Variants in CACNA1C observed in about 807,000 individuals in gnomAD.
CACNA1C encodes the protein voltage-dependent L-type calcium channel subunit alpha-1C.
Under a neutral mutation model 229.0 loss-of-function variants are expected in CACNA1C, and 30 were observed. The ratio of observed to expected loss-of-function variants is 0.13; its 90% confidence interval spans 0.10 to 0.18. The LOEUF is 0.18. CACNA1C is among the 10% of genes least tolerant of loss of function. The probability of loss-of-function intolerance (pLI) is 1.00; values close to 1 mark genes in which losing one functional copy is unlikely to be tolerated. For synonymous variants in CACNA1C, 1,114 were observed against 1,132.5 expected, an observed-to-expected ratio of 0.98 and a Z score of 0.33; for missense variants, 1,658 against 2,845.0, an observed-to-expected ratio of 0.58 and a Z score of 9.49.
intron 18 of CACNA1C, among the ~76,000 whole-genome samples, chr12:2,589,202 C>A (rs760202361): frequency 6.6e-6 from 1 of 152,180 alleles, no homozygotes; most frequent in African/African-American, 2.4e-5. Flanking sequence ...ACAGGGAAGA[C>A]CCCCACCCTC....
intron 1 of CACNA1C, among the ~76,000 whole-genome samples, chr12:1,986,575 C>T (rs370831474): frequency 2.0e-5 from 3 of 152,078 alleles, no homozygotes; most frequent in African/African-American, 7.2e-5. Context: ...TTCCCTGCAA[C>T]TGGCTTCACG....
chr12:2,641,408 G>A lies in CACNA1C; in HGVS notation c.3912+7028G>A, dbSNP rs74057307. ...CAACCATTGTCTAGATGACATTGGT[G>A]GGTGTGGCCTGAGCTGGTTCTAGGA... On this transcript the variant is annotated intron_variant, in intron 30 of 46. Transcript: ENST00000399655. 918 of 306,750 alleles carry A rather than the reference G, an allele frequency of 3.0e-3. 10 individuals are homozygous for A. The highest frequency in any genetic ancestry group is 0.017 in the African/African-American group (801 of 46,350). 19.0% of individuals were successfully genotyped at this position (306,750 alleles called of 1,614,324 possible).
At chr12:2,584,713 TGTTGG>T in intron 16 of CACNA1C, 96 bp downstream of exon 16, 2 of 823,820 alleles carry the variant, frequency 2.4e-6, no homozygotes, top group Non-Finnish European at 4.0e-6. Flanking sequence ...TGCTAGCCTC[TGTTGG>T]CTCTCCCTCC....
chr12:1,977,260 T>C (rs1309677733), intron 1 of CACNA1C, among the ~76,000 whole-genome samples: 2 of 152,292 alleles, frequency 1.3e-5, no homozygotes, highest in East Asian at 3.9e-4. Flanking sequence ...TCTGTTAGCA[T>C]GCTCGGCCAT....
rs144919597 is a variant in CACNA1C at position 2,666,924 on chromosome 12, C to A, written c.4623+142C>A. 4.4e-5 allele frequency: 29 copies of A among 658,100 alleles called. No homozygotes were observed. In the East Asian group the frequency reaches 6.8e-4, roughly 16 times the overall value. The allele number at this position is 658,100 out of a possible 1,614,324, so 40.8% of individuals were successfully genotyped here. A position where few individuals can be genotyped will look rare whatever the true frequency, so the allele number is the denominator to read the frequency against. ...TTAAGGGTCCTTCCAGCTCTAAATT[C>A]TCAGACTCTATGAGGGAATAACAGA... On this transcript the variant is annotated intron_variant, in intron 37 of 46. Coordinates refer to ENST00000399655, the MANE Select transcript of CACNA1C (RefSeq NM_000719.7). The surrounding 1 kb of genome is among the most constrained non-coding windows in gnomAD (Gnocchi z 5.3).
intron 3 of CACNA1C, among the ~76,000 whole-genome samples, chr12:2,267,677 CA>C (rs2082903671): frequency 6.6e-6 from 1 of 152,206 alleles, no homozygotes; most frequent in South Asian, 2.1e-4. Flanking sequence ...AATGAATTTC[CA>C]GAGTTCCTTC....
In CACNA1C at chr12:2,595,892, C is replaced by T; in HGVS notation, c.2682C>T (p.His894=). 4 of 1,613,612 alleles carry T rather than the reference C, an allele frequency of 2.5e-6. No individual in the cohort carries two copies. In the South Asian group the frequency reaches 4.4e-5, roughly 18 times the overall value. The change falls in exon 20 of 47, where the codon CAC becomes CAT. Residue 894 remains histidine, a synonymous_variant. Coordinates refer to ENST00000399655, the MANE Select transcript of CACNA1C (RefSeq NM_000719.7). This position sits in a 1 kb window ranked among gnomAD's most constrained non-coding sequence, Gnocchi z 4.1. Reference sequence around the variant, plus strand: ...CGTACAGGTTTCGCCTCCAGTGCCACCGCATTGTCAATGACACGATCTTCA... The same window carrying T: ...CGTACAGGTTTCGCCTCCAGTGCCATCGCATTGTCAATGACACGATCTTCA... The part of the protein sequence containing the change: ...SSNNRFRLQC[H]RIVNDTIFTN...
At chr12:2,058,793 C>A (rs1481314825) in intron 1 of CACNA1C, among the ~76,000 whole-genome samples, 1 of 152,146 alleles carries the variant, frequency 6.6e-6, no homozygotes, top group Non-Finnish European at 1.5e-5. Context: ...TTAAACTGAA[C>A]CCACTGCAGA....
chr12:2,508,748 AAC>A (rs762118585), intron 8 of CACNA1C, among the ~76,000 whole-genome samples: 2 of 152,230 alleles, frequency 1.3e-5, no homozygotes, highest in Non-Finnish European at 2.9e-5. Context: ...ACACATCCAG[AAC>A]ACCTATTTCT....
chr12:2,622,362 A>C (rs980164688), intron 29 of CACNA1C, among the ~76,000 whole-genome samples: 2 of 151,952 alleles, frequency 1.3e-5, no homozygotes, highest in Non-Finnish European at 2.9e-5. Flanking sequence ...TCAGTGGGGG[A>C]ACTGCATAAT....
intron 30 of CACNA1C, among the ~76,000 whole-genome samples, chr12:2,640,967 G>C (rs893022538): frequency 6.6e-6 from 1 of 152,182 alleles, no homozygotes. Flanking sequence ...CAGTGCTTGC[G>C]TTGGACAGTG....
intron 1 of CACNA1C, chr12:2,010,799 G>A (rs923948789): frequency 2.6e-5 from 4 of 152,092 alleles, no homozygotes; most frequent in African/African-American, 9.7e-5. Flanking sequence ...CAACGTCCAC[G>A]AGTCTCAAAG....
At chr12:2,066,209 G>T (rs1459033374) in intron 1 of CACNA1C, among the ~76,000 whole-genome samples, 1 of 152,024 alleles carries the variant, frequency 6.6e-6, no homozygotes, top group African/African-American at 2.4e-5. Flanking sequence ...AAGGGTAGAG[G>T]TTGTATTTGG....
chr12:2,538,478 C>T (rs973749310), intron 9 of CACNA1C, among the ~76,000 whole-genome samples: 8 of 152,178 alleles, frequency 5.3e-5, no homozygotes, highest in African/African-American at 1.7e-4. Context: ...CCACTCTTTC[C>T]TCTTATTCTA....
intron 6 of CACNA1C, among the ~76,000 whole-genome samples, chr12:2,489,005 C>T (rs1378368839): frequency 2.0e-5 from 3 of 152,298 alleles, no homozygotes; most frequent in East Asian, 1.9e-4. Context: ...TCTGTGCAGC[C>T]GTGGAGTAGA....
intron 10 of CACNA1C, among the ~76,000 whole-genome samples, chr12:2,553,265 A>T (rs1599831118): frequency 6.6e-6 from 1 of 152,186 alleles, no homozygotes; most frequent in East Asian, 1.9e-4. Flanking sequence ...GCGGTGCAAG[A>T]TTTCATGTGA....
chr12:2,123,950 G>T (rs537365220), intron 3 of CACNA1C, among the ~76,000 whole-genome samples: 68 of 152,292 alleles, frequency 4.5e-4, no homozygotes, highest in African/African-American at 1.5e-3. Context: ...TAAGGGCGAA[G>T]TGTTGGGTCT....
rs542870156 is a variant in CACNA1C, at chr12:2,486,284, G to A, written c.916+22G>A. 7 of 1,605,242 alleles carry A rather than the reference G, an allele frequency of 4.4e-6. No homozygotes were observed. Among genetic ancestry groups the A allele is most frequent in the East Asian group, 2.2e-5 (1 of 44,718 alleles). Reference sequence around the variant, plus strand: ...GCAGGTAAGAGGGGCAGGCGGCTGCGCTCCCAAGGCCCTGCCCTCTATCGC... The same window carrying A: ...GCAGGTAAGAGGGGCAGGCGGCTGCACTCCCAAGGCCCTGCCCTCTATCGC... On this transcript the variant is annotated intron_variant, in intron 6 of 46. Coordinates refer to ENST00000399655, the MANE Select transcript of CACNA1C (RefSeq NM_000719.7). This position sits in a 1 kb window ranked among gnomAD's most constrained non-coding sequence, Gnocchi z 4.9.
intron 3 of CACNA1C, among the ~76,000 whole-genome samples, chr12:2,239,554 C>T (rs111876106): frequency 0.013 from 1,961 of 152,270 alleles, 48 homozygotes; most frequent in African/African-American, 0.045. Flanking sequence ...CGGCGCTTCC[C>T]GGGTAGGAGA....
Sources: allele counts gnomAD v4.1 joint callset (sites outside exome capture counted in the v4.1 genomes callset), GRCh38; gene constraint gnomAD v4.1.1; non-coding constraint Gnocchi (gnomAD v3.1); transcripts MANE v1.5; gene names NCBI Gene and HGNC (gene_info 2026-07-23, HGNC 2026-07-21).